Variants in NNT observed in about 807,000 individuals in gnomAD.
NNT encodes NAD(P) transhydrogenase, mitochondrial.
In NNT, 50 loss-of-function variants were observed where a neutral mutation model predicts 104.8. That is an observed-to-expected ratio of 0.48 (90% CI 0.38 to 0.60). The LOEUF (loss-of-function observed/expected upper bound fraction) is 0.60. NNT is among the 20% of genes least tolerant of loss of function. The pLI, the probability that NNT is intolerant of heterozygous loss-of-function variation, is 0.00. For missense variants in NNT, 1,131 were observed against 1,330.7 expected, an observed-to-expected ratio of 0.85 and a Z score of 2.33; for synonymous variants, 461 against 490.4, an observed-to-expected ratio of 0.94 and a Z score of 0.79.
chr5:43,622,784 T>TA (rs1357017932), intron 5 of NNT, among the ~76,000 whole-genome samples: 1 of 152,158 alleles, frequency 6.6e-6, no homozygotes, highest in Non-Finnish European at 1.5e-5. Flanking sequence ...TCTTTTTCTT[T>TA]ACTCCATGCT....
chr5:43,644,690 C>T lies in NNT; in HGVS notation c.1178C>T (p.Thr393Ile). ...QASTLYSNNI[T>I]KLLKAISPDK... ...AGCACCCTATATTCCAACAACATCACCAAACTCCTGAAGGCCATCAGCCCG... is the reference window on the plus strand; with the variant it reads ...AGCACCCTATATTCCAACAACATCATCAAACTCCTGAAGGCCATCAGCCCG... The change falls in exon 9 of 22, where the codon ACC becomes ATC. Residue 393 changes from threonine (T) to isoleucine (I), a missense_variant. Transcript: ENST00000344920. 2 of 1,614,170 alleles carry T rather than the reference C, an allele frequency of 1.2e-6. No individual in the cohort carries two copies. Among genetic ancestry groups the T allele is most frequent in the Non-Finnish European group, 1.7e-6 (2 of 1,180,016 alleles).
chr5:43,632,651 C>T (rs13161298), intron 7 of NNT, among the ~76,000 whole-genome samples: 1 of 152,124 alleles, frequency 6.6e-6, no homozygotes, highest in Non-Finnish European at 1.5e-5. Flanking sequence ...AAGCTGACAG[C>T]CCCGCTTTGT....
chr5:43,629,267 C>T (rs1453935914), intron 7 of NNT, among the ~76,000 whole-genome samples: 2 of 152,058 alleles, frequency 1.3e-5, no homozygotes, highest in Non-Finnish European at 2.9e-5. Flanking sequence ...GAATAATGGT[C>T]TCTAACTCCA....
In NNT at chr5:43,612,967, C is replaced by G; in HGVS notation, c.211C>G (p.Arg71Gly). The G allele has an allele frequency of 6.2e-7, 1 of 1,614,022 alleles. No homozygotes were observed. ...CAAAGAGATATTCCAAAATGAGAAGCGAGTGGCATTGTCTCCTGCTGGTGT... is the reference window on the plus strand; with the variant it reads ...CAAAGAGATATTCCAAAATGAGAAGGGAGTGGCATTGTCTCCTGCTGGTGT... ...VPKEIFQNEK[R>G]VALSPAGVQN... Residue 71 changes from arginine (R) to glycine (G), a missense_variant, in exon 3 of 22, where the codon CGA becomes GGA. Transcript: ENST00000344920.
At chr5:43,645,709 ATTTTTTT>A (rs70997422) in intron 10 of NNT, 199 bp downstream of exon 10, 2 of 44,290 alleles carry the variant, frequency 4.5e-5, no homozygotes, top group African/African-American at 2.1e-4. Context: ...ATATATATAT[ATTTTTTT>A]TTTTTTTTTT....
rs986942421 is a variant in NNT at position 43,704,697 on chromosome 5, T to C, written c.*293T>C. Reference sequence around the variant, plus strand: ...CAGCCTCATTTTAGATGTAGTCCTGTTGGATTTTTTATGCCTCCTCAGTAA... The same window carrying C: ...CAGCCTCATTTTAGATGTAGTCCTGCTGGATTTTTTATGCCTCCTCAGTAA... On this transcript the variant is annotated 3_prime_UTR_variant, in exon 22 of 22. Coordinates refer to ENST00000344920, the MANE Select transcript of NNT (RefSeq NM_182977.3). 3 of 271,284 alleles carry C rather than the reference T, an allele frequency of 1.1e-5. No homozygotes were observed. The highest frequency in any genetic ancestry group is 2.1e-5 in the Non-Finnish European group (3 of 143,138). The allele number at this position is 271,284 out of a possible 1,614,324, so 16.8% of individuals were successfully genotyped here. A position where few individuals can be genotyped will look rare whatever the true frequency, so the allele number is the denominator to read the frequency against.
intron 7 of NNT, among the ~76,000 whole-genome samples, chr5:43,637,817 C>A (rs1751013285): frequency 1.3e-5 from 2 of 152,094 alleles, no homozygotes. Context: ...CTGAACCAAT[C>A]CTTGTAGGTA....
intron 1 of NNT, among the ~76,000 whole-genome samples, chr5:43,603,715 C>G: frequency 6.6e-6 from 1 of 151,996 alleles, no homozygotes. Context: ...TCATAGAGGA[C>G]TTTCGATGGG....
rs1743098739 is a variant in NNT at position 43,706,563 on chromosome 5, G to A, written c.*2159G>A. ...TTATTTTCTCATTTGTCTTAAATTA[G>A]GAGTTTGTGTTTAAATTACTCATCT... On this transcript the variant is annotated 3_prime_UTR_variant, in exon 22 of 22. Transcript: ENST00000344920. 1 of 151,940 alleles carries A rather than the reference G, an allele frequency of 6.6e-6. No individual in the cohort carries two copies. Among genetic ancestry groups the A allele is most frequent in the African/African-American group, 2.4e-5 (1 of 41,380 alleles). The allele number at this position is 151,940 out of a possible 1,614,324, so 9.4% of individuals were successfully genotyped here.
chr5:43,691,400 G>A (rs1040349563), intron 19 of NNT, among the ~76,000 whole-genome samples: 1 of 152,030 alleles, frequency 6.6e-6, no homozygotes, highest in Non-Finnish European at 1.5e-5. Context: ...CACCATGCCC[G>A]GCCAGAGTGT....
At chr5:43,667,619 AG>A (rs1334877469) in intron 17 of NNT, among the ~76,000 whole-genome samples, 2 of 152,198 alleles carry the variant, frequency 1.3e-5, no homozygotes, top group East Asian at 3.8e-4. Flanking sequence ...ATGGCTGCAT[AG>A]TATTCCATGG....
chr5:43,609,262 T>C lies in NNT; in HGVS notation c.67T>C (p.Cys23Arg). The stretch of plus-strand genomic sequence containing the variant: ...TCCTCTACTTAGCAATTTGGGGTCC[T>C]GTAAGGGTCTACGTGTGAAGAAGGA... ...SCPLLSNLGS[C>R]KGLRVKKDFL... Residue 23 changes from cysteine (C) to arginine (R), a missense_variant, in exon 2 of 22, where the codon TGT (cysteine) becomes CGT (arginine). By Grantham distance (180) the Cys-to-Arg change is radical. Transcript: ENST00000344920. The C allele has an allele frequency of 1.2e-6, 2 of 1,614,088 alleles. No homozygotes were observed. Among genetic ancestry groups the C allele is most frequent in the Non-Finnish European group, 1.7e-6 (2 of 1,179,944 alleles).
intron 7 of NNT, among the ~76,000 whole-genome samples, chr5:43,637,098 A>G (rs1240226631): frequency 2.0e-5 from 3 of 152,118 alleles, no homozygotes; most frequent in African/African-American, 7.2e-5. Context: ...GGTTCCAGGG[A>G]TAAAGCTCAC....
intron 18 of NNT, 29 bp downstream of exon 18, chr5:43,675,699 C>T (rs903059251): frequency 1.3e-6 from 2 of 1,500,278 alleles, no homozygotes; most frequent in Non-Finnish European, 9.0e-7. Flanking sequence ...AGCAAATAAC[C>T]TATAATAGCT....
chr5:43,686,022 G>T (rs901612070), intron 19 of NNT, among the ~76,000 whole-genome samples: 2 of 151,990 alleles, frequency 1.3e-5, no homozygotes, highest in Non-Finnish European at 2.9e-5. Context: ...AATAGTTCTT[G>T]TATACACTTA....
In NNT at chr5:43,651,740, T is replaced by C. The variant is rs1432509915; in HGVS notation, c.1719T>C (p.Gly573=). The change falls in exon 13 of 22, where the codon GGT becomes GGC. Residue 573 remains glycine, a splice_region_variant and synonymous_variant. Coordinates refer to ENST00000344920, the MANE Select transcript of NNT (RefSeq NM_182977.3). ...AAFISSVNIA[G]GFLVTQRMLD... Reference sequence around the variant, plus strand: ...TTTTATTTCCTTTGGTTTGCTAAGGTGGCTTTCTGGTGACTCAGAGAATGC... The same window carrying C: ...TTTTATTTCCTTTGGTTTGCTAAGGCGGCTTTCTGGTGACTCAGAGAATGC... 3 of 1,614,112 alleles carry C rather than the reference T, an allele frequency of 1.9e-6. No individual in the cohort carries two copies. In the East Asian group the frequency reaches 6.7e-5, roughly 36 times the overall value.
intron 4 of NNT, 111 bp downstream of exon 4, chr5:43,616,176 T>C: frequency 2.2e-6 from 2 of 914,178 alleles, no homozygotes; most frequent in Non-Finnish European, 3.4e-6. Context: ...TGTTGGAGAT[T>C]ACAGCCTTTT....
intron 19 of NNT, among the ~76,000 whole-genome samples, chr5:43,686,842 G>T (rs1742016626): frequency 6.6e-6 from 1 of 152,088 alleles, no homozygotes; most frequent in African/African-American, 2.4e-5. Context: ...CCTCTGAGGA[G>T]ATTTTATTAT....
intron 10 of NNT, among the ~76,000 whole-genome samples, chr5:43,645,904 G>A (rs1180385185): frequency 1.3e-5 from 2 of 150,642 alleles, no homozygotes; most frequent in African/African-American, 4.9e-5. Flanking sequence ...TAGTAGAGAC[G>A]GGGTTTCACT....
Sources: allele counts gnomAD v4.1 joint callset (sites outside exome capture counted in the v4.1 genomes callset), GRCh38; gene constraint gnomAD v4.1.1; transcripts MANE v1.5; gene names NCBI Gene and HGNC (gene_info 2026-07-23, HGNC 2026-07-21).